DOCK4: variants seen among roughly 807,000 people sequenced by gnomAD.
The protein encoded by DOCK4 is dedicator of cytokinesis protein 4.
Under a neutral mutation model 268.1 loss-of-function variants are expected in DOCK4, and 97 were observed. The observed-to-expected ratio is 0.36, with a 90% CI of 0.31 to 0.43. The LOEUF is 0.43. Ranked by LOEUF, DOCK4 falls within the 20% of genes least tolerant of loss-of-function variation. The pLI, the probability that DOCK4 is intolerant of heterozygous loss-of-function variation, is 1.00. For synonymous variants in DOCK4, 954 were observed against 887.2 expected (o/e 1.08, Z -1.34); for missense variants, 2,145 against 2,455.7 (o/e 0.87, Z 2.67).
At chr7:112,125,324 T>C (rs967615502) in intron 1 of DOCK4, among the ~76,000 whole-genome samples, 1 of 152,186 alleles carries the variant, frequency 6.6e-6, no homozygotes, top group Admixed American at 6.5e-5. Context: ...CCAAACCAGC[T>C]ATTTAAAAAA....
chr7:111,972,660 A>T (rs556890365), intron 8 of DOCK4, among the ~76,000 whole-genome samples: 1 of 152,074 alleles, frequency 6.6e-6, no homozygotes, highest in Admixed American at 6.5e-5. Flanking sequence ...GATTATGTAG[A>T]CTACATTCTA....
chr7:111,817,068 GT>G (rs1156681203), intron 27 of DOCK4, among the ~76,000 whole-genome samples: 1 of 152,196 alleles, frequency 6.6e-6, no homozygotes, highest in Non-Finnish European at 1.5e-5. Context: ...AATAGCCTCT[GT>G]TTTGACCTCT....
In DOCK4 at chr7:111,915,776, T is replaced by C; in HGVS notation, c.1192+3A>G. Reference sequence around the variant, plus strand: ...TCATATCGGTACGTCCCAAGTCACCTACCAGGCATAATAATATTTGAAAAT... The same window carrying C: ...TCATATCGGTACGTCCCAAGTCACCCACCAGGCATAATAATATTTGAAAAT... On this transcript the variant is annotated splice_donor_region_variant and intron_variant, in intron 13 of 52. Transcript: ENST00000428084. The C allele has an allele frequency of 6.2e-7, 1 of 1,612,918 alleles. No homozygotes were observed.
chr7:111,760,792 G>A (rs1250898269), intron 39 of DOCK4, among the ~76,000 whole-genome samples: 1 of 143,640 alleles, frequency 7.0e-6, no homozygotes, highest in Admixed American at 7.0e-5. Flanking sequence ...GTATTCTGCC[G>A]TTCATGATGC....
chr7:111,945,663 G>T (rs1795560216), intron 9 of DOCK4, 54 bp downstream of exon 9: 9 of 1,412,582 alleles, frequency 6.4e-6, no homozygotes, highest in Middle Eastern at 1.8e-4. Flanking sequence ...CTCCTAAATA[G>T]TATGAATCAT....
chr7:111,991,308 C>G (rs1799505946), intron 5 of DOCK4, among the ~76,000 whole-genome samples: 1 of 152,200 alleles, frequency 6.6e-6, no homozygotes, highest in African/African-American at 2.4e-5. Context: ...AGCAAACCTA[C>G]TCTACTAGTG....
intron 41 of DOCK4, among the ~76,000 whole-genome samples, chr7:111,756,328 G>A (rs530369903): frequency 2.0e-5 from 3 of 152,194 alleles, no homozygotes; most frequent in South Asian, 2.1e-4. Context: ...CAGCCTGGGC[G>A]ACAGGGCGAG....
chr7:111,906,984 G>A (rs559861059), intron 13 of DOCK4, among the ~76,000 whole-genome samples: 1 of 152,254 alleles, frequency 6.6e-6, no homozygotes, highest in Non-Finnish European at 1.5e-5. Context: ...AGCACCTATA[G>A]GAAACTAATA....
intron 48 of DOCK4, 35 bp from the exon 49 acceptor site, chr7:111,739,278 G>A (rs1031320659): frequency 1.3e-6 from 2 of 1,599,502 alleles, no homozygotes; most frequent in South Asian, 2.2e-5. Flanking sequence ...TCATCAGCAT[G>A]GTAGTGGTGC....
intron 1 of DOCK4, among the ~76,000 whole-genome samples, chr7:112,143,902 G>C (rs1167936523): frequency 2.6e-5 from 4 of 152,142 alleles, no homozygotes; most frequent in Non-Finnish European, 4.4e-5. Flanking sequence ...CGGATCATCT[G>C]TAAGTTCTTG....
chr7:111,987,299 A>G (rs1054304166), intron 6 of DOCK4, among the ~76,000 whole-genome samples: 2 of 152,106 alleles, frequency 1.3e-5, no homozygotes, highest in Non-Finnish European at 2.9e-5. Flanking sequence ...TCCCCTTTTC[A>G]TTCTGCCATC....
chr7:111,775,406 T>C (rs1039582603), intron 36 of DOCK4, among the ~76,000 whole-genome samples: 1 of 152,166 alleles, frequency 6.6e-6, no homozygotes, highest in Non-Finnish European at 1.5e-5. Context: ...GTACATGCAT[T>C]CCACCCTATC....
intron 42 of DOCK4, among the ~76,000 whole-genome samples, chr7:111,747,886 C>G (rs1796376465): frequency 6.6e-6 from 1 of 152,068 alleles, no homozygotes; most frequent in Non-Finnish European, 1.5e-5. Context: ...TGTCAAGGAG[C>G]TTTCAGCCCA....
intron 41 of DOCK4, among the ~76,000 whole-genome samples, chr7:111,756,565 C>T (rs922851021): frequency 1.3e-5 from 2 of 151,844 alleles, no homozygotes; most frequent in East Asian, 1.9e-4. Flanking sequence ...TTCCTCTGGC[C>T]GGGACGAGCA....
chr7:112,168,509 C>A (rs968675459), intron 1 of DOCK4, among the ~76,000 whole-genome samples: 3 of 152,172 alleles, frequency 2.0e-5, no homozygotes, highest in African/African-American at 7.2e-5. Flanking sequence ...GAGTTCGAGA[C>A]CAGCCTGAGC....
At chr7:112,007,588 G>A (rs1334319963) in intron 1 of DOCK4, among the ~76,000 whole-genome samples, 2 of 152,072 alleles carry the variant, frequency 1.3e-5, no homozygotes, top group East Asian at 3.9e-4. Flanking sequence ...TAGATGGATG[G>A]ATACTATACT....
At chr7:111,741,776 G>T in intron 45 of DOCK4, 115 bp from the exon 46 acceptor site, 2 of 1,367,318 alleles carry the variant, frequency 1.5e-6, no homozygotes, top group Admixed American at 5.8e-5. Context: ...CTTCACATAG[G>T]GAGCTATTAA....
chr7:111,731,403 G>A (rs1376037490), intron 52 of DOCK4, among the ~76,000 whole-genome samples: 1 of 152,142 alleles, frequency 6.6e-6, no homozygotes, highest in African/African-American at 2.4e-5. Context: ...TCACACAAAG[G>A]ACATGGAGCG....
chr7:111,918,070 T>C (rs1401513310), intron 12 of DOCK4, among the ~76,000 whole-genome samples: 2 of 152,114 alleles, frequency 1.3e-5, no homozygotes, highest in African/African-American at 4.8e-5. Context: ...TCAGGAAAAT[T>C]TGTAAACCAA....
Sources: allele counts gnomAD v4.1 joint callset (sites outside exome capture counted in the v4.1 genomes callset), GRCh38; gene constraint gnomAD v4.1.1; transcripts MANE v1.5; gene names NCBI Gene and HGNC (gene_info 2026-07-23, HGNC 2026-07-21).